ELP5: variants seen among roughly 807,000 people sequenced by gnomAD.
ELP5 encodes the protein elongator complex protein 5.
Under a neutral mutation model 33.4 loss-of-function variants are expected in ELP5, and 34 were observed. The observed-to-expected ratio is 1.02, with a 90% CI of 0.78 to 1.36. ELP5 has a LOEUF of 1.36. ELP5 is among the 40% of genes most tolerant of loss of function. The pLI is 0.00. For synonymous variants in ELP5, 161 were observed against 146.4 expected (o/e 1.10, Z -0.72); for missense variants, 373 against 371.7 (o/e 1.00, Z -0.03).
intron 4 of ELP5, among the ~76,000 whole-genome samples, chr17:7,256,335 TC>T (rs375746484): frequency 6.6e-6 from 1 of 152,118 alleles, no homozygotes; most frequent in African/African-American, 2.4e-5. Context: ...AGAGCAAGAC[TC>T]CATCTCGAAA....
intron 5 of ELP5, among the ~76,000 whole-genome samples, chr17:7,258,105 G>A (rs1046301989): frequency 6.6e-6 from 1 of 151,790 alleles, no homozygotes; most frequent in African/African-American, 2.4e-5. Context: ...CTAAGGAGTC[G>A]CCATCCTTTT....
intron 4 of ELP5, 166 bp downstream of exon 4, chr17:7,254,969 C>T: frequency 3.4e-6 from 2 of 590,876 alleles, no homozygotes; most frequent in Non-Finnish European, 5.9e-6. Context: ...CTCCTTAATG[C>T]CATCTACCAT....
In ELP5 at chr17:7,259,651, A is replaced by G; in HGVS notation, c.869A>G (p.Asp290Gly). Residue 290 changes from aspartate (D) to glycine (G), a missense_variant, in exon 8 of 8, where the codon GAC becomes GGC. Coordinates refer to ENST00000396628, the MANE Select transcript of ELP5 (RefSeq NM_203414.3). ...GAGCCAGATGCTTATGATGACCTGG[A>G]CCAAGAAGACCCAGATGACGACCTG... The part of the protein sequence containing the change: ...FYEPDAYDDL[D>G]QEDPDDDLDI 1.9e-6 allele frequency: 3 copies of G among 1,614,250 alleles called. No individual in the cohort carries two copies. Among genetic ancestry groups the G allele is most frequent in the Non-Finnish European group, 2.5e-6 (3 of 1,180,032 alleles).
Position 7,252,488 on chromosome 17 carries a change from G to T in ELP5, c.-63G>T. On this transcript the variant is annotated 5_prime_UTR_variant, in exon 1 of 8. Coordinates refer to ENST00000396628, the MANE Select transcript of ELP5 (RefSeq NM_203414.3). ...GCTCGGCCCGTTTCACCCCGAGGAG[G>T]AAGGACACTGGGTCATGACGCCATC... 1 of 1,612,944 alleles carries T rather than the reference G, an allele frequency of 6.2e-7. No homozygotes were observed. The highest frequency in any genetic ancestry group is 8.5e-7 in the Non-Finnish European group (1 of 1,179,602).
intron 4 of ELP5, 198 bp downstream of exon 4, chr17:7,255,001 A>AT (rs1415696106): frequency 1.9e-6 from 1 of 537,200 alleles, no homozygotes; most frequent in South Asian, 2.3e-5. Flanking sequence ...TCTCCAAGTT[A>AT]TTTTTTTACT....
intron 3 of ELP5, among the ~76,000 whole-genome samples, chr17:7,253,538 C>T (rs565396177): frequency 6.6e-6 from 1 of 152,282 alleles, no homozygotes; most frequent in East Asian, 1.9e-4. Context: ...TTCCTAAACC[C>T]AGCGGCATGC....
chr17:7,254,598 C>G lies in ELP5; in HGVS notation c.204C>G (p.Asp68Glu), dbSNP rs779058391. Reference sequence around the variant, plus strand: ...CCCTTTGCAGGCTGGTTTACCATGACTTCTTCAGAGACCCTCTCAACTGGT... The same window carrying G: ...CCCTTTGCAGGCTGGTTTACCATGAGTTCTTCAGAGACCCTCTCAACTGGT... ...SDINNRLVYH[D>E]FFRDPLNWSK... Residue 68 changes from aspartate to glutamate, a missense_variant, in exon 4 of 8, where the codon GAC becomes GAG. Coordinates refer to ENST00000396628, the MANE Select transcript of ELP5 (RefSeq NM_203414.3). 6.2e-7 allele frequency: 1 copy of G among 1,612,304 alleles called. No individual in the cohort carries two copies. Among genetic ancestry groups the G allele is most frequent in the Non-Finnish European group, 8.5e-7 (1 of 1,178,728 alleles).
chr17:7,258,764 T>C (rs769824154), intron 6 of ELP5, 62 bp from the exon 7 acceptor site: 2 of 1,613,552 alleles, frequency 1.2e-6, no homozygotes, highest in African/African-American at 1.3e-5. Flanking sequence ...GCTGCAGAGG[T>C]TGGGGGTGGG....
In ELP5 at chr17:7,259,901, C is replaced by A. The variant is rs1401332103; in HGVS notation, c.*216C>A. The stretch of plus-strand genomic sequence containing the variant: ...GTAATGTGAGAGAGTAGAACACCCC[C>A]GTACCTAATAAAAATCTTTATTTTT... On this transcript the variant is annotated 3_prime_UTR_variant, in exon 8 of 8. Transcript: ENST00000396628. 3.5e-5 allele frequency: 20 copies of A among 568,590 alleles called. No homozygotes were observed. The highest frequency in any genetic ancestry group is 4.9e-5 in the Non-Finnish European group (18 of 363,840). The allele number at this position is 568,590 out of a possible 1,614,324, so 35.2% of individuals were successfully genotyped here.
rs891022495 is a variant in ELP5, at chr17:7,259,878, A to G, written c.*193A>G. On this transcript the variant is annotated 3_prime_UTR_variant, in exon 8 of 8. Transcript: ENST00000396628. ...AGAAGGTAGGATGAAGACATGGGGT[A>G]ATGTGAGAGAGTAGAACACCCCCGT... 3.2e-6 allele frequency: 3 copies of G among 926,616 alleles called. No individual in the cohort carries two copies. The highest frequency in any genetic ancestry group is 3.3e-5 in the African/African-American group (2 of 59,958). 57.4% of individuals were successfully genotyped at this position (926,616 alleles called of 1,614,324 possible).
chr17:7,254,882 A>C, intron 4 of ELP5, 79 bp downstream of exon 4: 1 of 1,281,378 alleles, frequency 7.8e-7, no homozygotes, highest in Non-Finnish European at 1.1e-6. Flanking sequence ...TCTACCCTAG[A>C]ATAAACATCT....
Position 7,252,986 on chromosome 17 carries a change from A to G in ELP5, c.176A>G (p.Asp59Gly), listed in dbSNP as rs1190588423. The G allele has an allele frequency of 3.1e-6, 5 of 1,614,216 alleles. No homozygotes were observed. In the South Asian group the frequency reaches 3.3e-5, roughly 11 times the overall value. ...EEEFREGFDSDINNRLVYHDF... is the reference protein window; with the variant it reads ...EEEFREGFDSGINNRLVYHDF... ...GAGTTTCGTGAAGGTTTTGACTCTG[A>G]TATCAACAATCGGTAAGTACCAGTT... The change falls in exon 3 of 8, where the codon GAT becomes GGT. Residue 59 changes from aspartate (D) to glycine (G), a missense_variant. By Grantham distance (94) the Asp-to-Gly change is moderately conservative. Coordinates refer to ENST00000396628, the MANE Select transcript of ELP5 (RefSeq NM_203414.3).
Position 7,256,782 on chromosome 17 carries a change from CTCT to C in ELP5, c.410-69_410-67del. On this transcript the variant is annotated intron_variant, in intron 4 of 7. Coordinates refer to ENST00000396628, the MANE Select transcript of ELP5 (RefSeq NM_203414.3). ...CACTGTGATGGAATTGTGAGGCTCT[CTCT>C]TCTTCACTGTTAGCTCCCAGGCCAC... 8 of 1,477,544 alleles carry C rather than the reference CTCT, an allele frequency of 5.4e-6. No homozygotes were observed. In the East Asian group the frequency reaches 6.8e-5, roughly 13 times the overall value. 91.5% of individuals were successfully genotyped at this position (1,477,544 alleles called of 1,614,324 possible). A position where few individuals can be genotyped will look rare whatever the true frequency, so the allele number is the denominator to read the frequency against.
At chr17:7,254,462 T>A in intron 3 of ELP5, 121 bp from the exon 4 acceptor site, 1 of 704,690 alleles carries the variant, frequency 1.4e-6, no homozygotes, top group Non-Finnish European at 2.3e-6. Context: ...TAATTATCTT[T>A]CACTAATATT....
rs1217569339 is a variant in ELP5, at chr17:7,259,773, A to ACCCTGT, written c.*94_*99dup. ...TCTTTCTATTGTTTGTGTTAGCCTT[A>ACCCTGT]CCCTGTCCCTGCCCCACCTTGGTTC... is the stretch of plus-strand genomic sequence containing the variant. On this transcript the variant is annotated 3_prime_UTR_variant, in exon 8 of 8. Transcript: ENST00000396628. 6.5e-7 allele frequency: 1 copy of ACCCTGT among 1,546,928 alleles called. No individual in the cohort carries two copies. The highest frequency in any genetic ancestry group is 1.4e-5 in the African/African-American group (1 of 73,468).
Position 7,252,999 on chromosome 17 carries a change from G to T in ELP5, c.188+1G>T. 6.2e-7 allele frequency: 1 copy of T among 1,614,050 alleles called. No homozygotes were observed. The highest frequency in any genetic ancestry group is 1.1e-5 in the South Asian group (1 of 91,076). ...GTTTTGACTCTGATATCAACAATCGGTAAGTACCAGTTGGAAGAGATTTGA... is the reference window on the plus strand; with the variant it reads ...GTTTTGACTCTGATATCAACAATCGTTAAGTACCAGTTGGAAGAGATTTGA... On this transcript the variant is annotated splice_donor_variant, in intron 3 of 7. Transcript: ENST00000396628. LOFTEE classifies it high-confidence loss of function.
At chr17:7,254,262 A>G (rs537743195) in intron 3 of ELP5, among the ~76,000 whole-genome samples, 11 of 152,334 alleles carry the variant, frequency 7.2e-5, no homozygotes, top group South Asian at 2.1e-4. Context: ...ACTAACATTT[A>G]TCAGGCATAT....
chr17:7,259,360 C>G, intron 7 of ELP5: 1 of 1,402,744 alleles, frequency 7.1e-7, no homozygotes, highest in Non-Finnish European at 9.2e-7. Context: ...TAGGAACTTA[C>G]GGTTTTATTA....
chr17:7,252,948 A>G lies in ELP5; in HGVS notation c.138A>G (p.Glu46=), dbSNP rs575293725. 1.9e-6 allele frequency: 3 copies of G among 1,614,226 alleles called. No homozygotes were observed. In the South Asian group the frequency reaches 3.3e-5, roughly 18 times the overall value. The change falls in exon 3 of 8, where the codon GAA becomes GAG. Residue 46 remains glutamate (E), a synonymous_variant. Coordinates refer to ENST00000396628, the MANE Select transcript of ELP5 (RefSeq NM_203414.3). The part of the protein sequence containing the change: ...CGEQVHILGC[E]VSEEEFREGF... ...AGCAAGTGCATATCCTGGGCTGTGA[A>G]GTGAGCGAGGAAGAGTTTCGTGAAG...
Sources: gnomAD v4.1 joint callset for allele counts (sites outside exome capture counted in the v4.1 genomes callset) on GRCh38, gnomAD v4.1.1 for gene constraint, MANE v1.5 for transcripts, NCBI Gene and HGNC (gene_info 2026-07-23, HGNC 2026-07-21) for gene names.